PCDHA5: variants seen among roughly 807,000 people sequenced by gnomAD.
The protein encoded by PCDHA5 is protocadherin alpha 5.
PCDHA5 carries 43 observed loss-of-function variants against 61.6 expected under a neutral mutation model. The observed-to-expected ratio is 0.70, with a 90% CI of 0.55 to 0.90. The LOEUF (loss-of-function observed/expected upper bound fraction) is 0.90. Ranked by LOEUF, PCDHA5 falls within the 40% of genes least tolerant of loss-of-function variation. The probability of loss-of-function intolerance (pLI) is 0.00; values close to 1 mark genes in which losing one functional copy is unlikely to be tolerated. For missense variants in PCDHA5, 1,298 were observed against 1,222.7 expected (o/e 1.06, Z -0.92); for synonymous variants, 627 against 543.9 (o/e 1.15, Z -2.13).
Position 140,929,454 on chromosome 5 carries a change from C to T in PCDHA5, c.2353-49495C>T, listed in dbSNP as rs2086172726. ...AACTAAACACTCCTTCTTAGCACTTCCTGTGCCAAGAAATCTGGAAGTATA... is the reference window on the plus strand; with the variant it reads ...AACTAAACACTCCTTCTTAGCACTTTCTGTGCCAAGAAATCTGGAAGTATA... On this transcript the variant is annotated intron_variant, in intron 1 of 3. Transcript: ENST00000529859. 7 of 1,355,724 alleles carry T rather than the reference C, an allele frequency of 5.2e-6. No individual in the cohort carries two copies. In the Admixed American group the frequency reaches 8.0e-5, roughly 16 times the overall value. The allele number at this position is 1,355,724 out of a possible 1,614,324, so 84.0% of individuals were successfully genotyped here. A position where few individuals can be genotyped will look rare whatever the true frequency, so the allele number is the denominator to read the frequency against.
At chr5:140,930,582 T>C in intron 1 of PCDHA5, 1 of 152,540 alleles carries the variant, frequency 6.6e-6, no homozygotes, top group East Asian at 1.9e-4. Flanking sequence ...GTATTACTTT[T>C]TGACTTCTCA....
intron 1 of PCDHA5, chr5:140,870,533 C>T (rs1185177447): frequency 1.2e-6 from 2 of 1,614,050 alleles, no homozygotes; most frequent in East Asian, 2.2e-5. Flanking sequence ...TTCACAGTGT[C>T]GGCGCGGGAC....
chr5:140,986,758 G>A (rs1242772553), intron 3 of PCDHA5, among the ~76,000 whole-genome samples: 1 of 152,194 alleles, frequency 6.6e-6, no homozygotes, highest in Non-Finnish European at 1.5e-5. Context: ...ACTAAACAGT[G>A]AAAGATTAAT....
In PCDHA5 at chr5:140,999,778, T is replaced by G. The variant is rs1252583642; in HGVS notation, c.2501-9849T>G. On this transcript the variant is annotated intron_variant, in intron 3 of 3. Coordinates refer to ENST00000529859, the MANE Select transcript of PCDHA5 (RefSeq NM_018908.3). ...ACATGATGTCTTTATACTCTTAACC[T>G]AGAAATGGCAGAGTTATTTTGGGCA... 3.0e-4 allele frequency among the ~76,000 whole-genome samples: 46 copies of G among 152,162 alleles called. 1 individual carries two copies.
Position 141,010,254 on chromosome 5 carries a change from C to T in PCDHA5, c.*317C>T. Reference sequence around the variant, plus strand: ...GCCAGTGAGAGGTTGGACTCTCTGCCCTGTGCTCCGGGGATCCTGTCTTGA... The same window carrying T: ...GCCAGTGAGAGGTTGGACTCTCTGCTCTGTGCTCCGGGGATCCTGTCTTGA... On this transcript the variant is annotated 3_prime_UTR_variant, in exon 4 of 4. Transcript: ENST00000529859. The T allele has an allele frequency of 6.4e-7, 1 of 1,551,810 alleles. No individual in the cohort carries two copies. Among genetic ancestry groups the T allele is most frequent in the Non-Finnish European group, 8.7e-7 (1 of 1,147,018 alleles).
intron 1 of PCDHA5, among the ~76,000 whole-genome samples, chr5:140,974,870 A>G (rs781837180): frequency 9.9e-5 from 15 of 152,182 alleles, no homozygotes; most frequent in African/African-American, 1.4e-4. Context: ...AATGCGGAAC[A>G]GTCTATGTAT....
intron 1 of PCDHA5, chr5:140,969,442 T>C (rs1554231813): frequency 1.3e-6 from 2 of 1,543,712 alleles, no homozygotes; most frequent in Admixed American, 4.0e-5. Flanking sequence ...AGTTATCTGG[T>C]AAACTGAGTA....
At chr5:140,914,578 A>T (rs1858296) in intron 1 of PCDHA5, among the ~76,000 whole-genome samples, 49,681 of 151,930 alleles carry the variant, frequency 0.33, 8,403 homozygotes, top group East Asian at 0.53. Flanking sequence ...ACATTCAATA[A>T]TTTCATTTAA....
chr5:140,944,623 T>A (rs535315515), intron 1 of PCDHA5, among the ~76,000 whole-genome samples: 62 of 152,320 alleles, frequency 4.1e-4, no homozygotes, highest in Non-Finnish European at 7.3e-4. Context: ...AGAAGTATAG[T>A]GTTGTAAGCC....
At chr5:140,923,299 G>A (rs921157994) in intron 1 of PCDHA5, among the ~76,000 whole-genome samples, 17 of 152,330 alleles carry the variant, frequency 1.1e-4, no homozygotes, top group Middle Eastern at 3.4e-3. Context: ...TTAGCTGGGC[G>A]TGGGGGCGCT....
chr5:140,904,150 C>A (rs1005130566), intron 1 of PCDHA5, among the ~76,000 whole-genome samples: 1 of 152,036 alleles, frequency 6.6e-6, no homozygotes, highest in African/African-American at 2.4e-5. Flanking sequence ...GTATACATTG[C>A]ACCCAGTTTG....
At chr5:140,915,766 T>G (rs2077298451) in intron 1 of PCDHA5, among the ~76,000 whole-genome samples, 1 of 151,974 alleles carries the variant, frequency 6.6e-6, no homozygotes, top group African/African-American at 2.4e-5. Context: ...CTGGGTCTTG[T>G]CCAAGGCCTG....
intron 1 of PCDHA5, chr5:140,929,155 C>G: frequency 6.2e-7 from 1 of 1,614,156 alleles, no homozygotes; most frequent in Non-Finnish European, 8.5e-7. Flanking sequence ...TCAGACTTAT[C>G]TCTATCGGGC....
intron 1 of PCDHA5, chr5:140,828,576 T>G: frequency 1.2e-6 from 2 of 1,614,230 alleles, no homozygotes; most frequent in Non-Finnish European, 1.7e-6. Flanking sequence ...GATGCAGATG[T>G]TGGCTCAAAT....
intron 3 of PCDHA5, among the ~76,000 whole-genome samples, chr5:140,999,252 T>C (rs1474093411): frequency 1.3e-5 from 2 of 152,204 alleles, no homozygotes; most frequent in African/African-American, 4.8e-5. Flanking sequence ...GGGAGTTGGA[T>C]TAGTAAAGGA....
chr5:140,851,814 CAG>C, intron 1 of PCDHA5: 1 of 954,570 alleles, frequency 1.0e-6, no homozygotes, highest in Non-Finnish European at 1.3e-6. Flanking sequence ...ATCCATAAGA[CAG>C]AAATCTGTTT....
At chr5:140,850,307 C>T (rs2150478733) in intron 1 of PCDHA5, 1 of 1,597,050 alleles carries the variant, frequency 6.3e-7, no homozygotes, top group Non-Finnish European at 8.6e-7. Flanking sequence ...CGGGCTACAA[C>T]GCGTGGCTTT....
At chr5:140,829,825 C>A in intron 1 of PCDHA5, 1 of 1,613,864 alleles carries the variant, frequency 6.2e-7, no homozygotes, top group African/African-American at 1.3e-5. Context: ...GTGCAGTGAG[C>A]GAGCTGGTGC....
At chr5:140,893,204 G>A (rs1207669882) in intron 1 of PCDHA5, among the ~76,000 whole-genome samples, 1 of 152,244 alleles carries the variant, frequency 6.6e-6, no homozygotes, top group African/African-American at 2.4e-5. Context: ...GCTGCAGTAA[G>A]TATGGGAGGT....
Sources: gnomAD v4.1 joint callset for allele counts (sites outside exome capture counted in the v4.1 genomes callset) on GRCh38, gnomAD v4.1.1 for gene constraint, MANE v1.5 for transcripts, NCBI Gene and HGNC (gene_info 2026-07-23, HGNC 2026-07-21) for gene names.